Variants in LMF1 observed in about 807,000 individuals in gnomAD.
The protein encoded by LMF1 is transmembrane protein 112.
In LMF1, 68 loss-of-function variants were observed where a neutral mutation model predicts 60.6. The observed-to-expected ratio is 1.12, with a 90% CI of 0.92 to 1.37. LMF1 has a LOEUF of 1.37. LMF1 is among the 40% of genes most tolerant of loss of function. The pLI, the probability that LMF1 is intolerant of heterozygous loss-of-function variation, is 0.00. For synonymous variants in LMF1, 418 were observed against 324.7 expected (o/e 1.29, Z -3.09); for missense variants, 948 against 767.2 (o/e 1.24, Z -2.78).
rs1596864773 is a variant in LMF1, at chr16:871,166, C to A, written c.1073G>T (p.Arg358Ile). Residue 358 changes from arginine to isoleucine, a missense_variant, in exon 7 of 11, where the codon AGA (arginine) becomes ATA (isoleucine). Arg to Ile is a moderately conservative substitution (Grantham distance 97). Coordinates refer to ENST00000262301, the MANE Select transcript of LMF1 (RefSeq NM_022773.4). ...RDIRGARPEP[R>I]FGSVVRRAAN... ...CCCCCAGCTGAGCCACCTACCGAAT[C>A]TGGGCTCGGGCCGGGCCCCTCGGAT... The A allele has an allele frequency of 1.3e-6, 2 of 1,589,042 alleles. No individual in the cohort carries two copies. Among genetic ancestry groups the A allele is most frequent in the Non-Finnish European group, 1.7e-6 (2 of 1,167,444 alleles).
intron 2 of LMF1, among the ~76,000 whole-genome samples, chr16:944,030 T>C (rs1381700060): frequency 5.3e-5 from 8 of 152,226 alleles, no homozygotes; most frequent in Admixed American, 5.2e-4. Context: ...GAGGATGAAC[T>C]TGGTCTTTCC....
chr16:919,953 G>A (rs927168010), intron 3 of LMF1, among the ~76,000 whole-genome samples: 4 of 152,138 alleles, frequency 2.6e-5, no homozygotes, highest in Non-Finnish European at 5.9e-5. Flanking sequence ...AAGACTGCCC[G>A]GACACCACCT....
chr16:959,963 A>G (rs760110848), intron 1 of LMF1, among the ~76,000 whole-genome samples: 2 of 152,204 alleles, frequency 1.3e-5, no homozygotes, highest in Non-Finnish European at 2.9e-5. Flanking sequence ...TCGTATACTT[A>G]CAGATGGATA....
chr16:857,485 A>T (rs370058364), intron 10 of LMF1, among the ~76,000 whole-genome samples: 3,672 of 37,298 alleles, frequency 0.098, 315 homozygotes, highest in African/African-American at 0.25. Context: ...GAGTGGTGTC[A>T]CCGGACGGGT....
chr16:963,685 T>C (rs2072863707), intron 1 of LMF1, among the ~76,000 whole-genome samples: 1 of 152,006 alleles, frequency 6.6e-6, no homozygotes. Context: ...GAAGGGTGGA[T>C]GTGCTCCACC....
At chr16:920,374 G>A (rs2151765768) in intron 3 of LMF1, among the ~76,000 whole-genome samples, 1 of 152,392 alleles carries the variant, frequency 6.6e-6, no homozygotes, top group East Asian at 1.9e-4. Context: ...GTGCTTGCCA[G>A]GCAGGCGGGC....
Position 893,016 on chromosome 16 carries a change from G to C in LMF1, c.720C>G (p.Phe240Leu), listed in dbSNP as rs1567194996. ...RCWRDLTCMD[F>L]HYETQPMPNP... ...TGCACGGCACGCTCACCTCATAGTG[G>C]AAGTCCATGCAGGTGAGGTCTCGCC... The change falls in exon 5 of 11, where the codon TTC (phenylalanine) becomes TTG (leucine). Residue 240 changes from phenylalanine (F) to leucine (L), a missense_variant. Coordinates refer to ENST00000262301, the MANE Select transcript of LMF1 (RefSeq NM_022773.4). The C allele has an allele frequency of 6.5e-7, 1 of 1,550,370 alleles. No individual in the cohort carries two copies. The highest frequency in any genetic ancestry group is 1.2e-5 in the South Asian group (1 of 84,050).
intron 5 of LMF1, among the ~76,000 whole-genome samples, chr16:884,312 G>A (rs2070246884): frequency 6.6e-6 from 1 of 152,140 alleles, no homozygotes; most frequent in South Asian, 2.1e-4. Context: ...CTTAAAACTC[G>A]TGATAAAAAT....
intron 3 of LMF1, among the ~76,000 whole-genome samples, chr16:918,764 T>C (rs1025477328): frequency 1.2e-5 from 1 of 81,096 alleles, no homozygotes; most frequent in Non-Finnish European, 2.4e-5. Flanking sequence ...TTTGGTTCAC[T>C]TGGATGTGAA....
chr16:973,500 A>T (rs938671757), upstream of LMF1, among the ~76,000 whole-genome samples: 3 of 152,216 alleles, frequency 2.0e-5, no homozygotes, highest in Non-Finnish European at 4.4e-5. Context: ...GGGCAAAGCC[A>T]CGGGGAAAGG....
At chr16:920,064 G>A (rs1286235994) in intron 3 of LMF1, among the ~76,000 whole-genome samples, 1 of 150,918 alleles carries the variant, frequency 6.6e-6, no homozygotes, top group Non-Finnish European at 1.5e-5. Context: ...CCCCCAACAC[G>A]ACATCCACAA....
At chr16:937,474 C>T (rs915207999) in intron 2 of LMF1, among the ~76,000 whole-genome samples, 7 of 151,346 alleles carry the variant, frequency 4.6e-5, no homozygotes, top group Middle Eastern at 3.4e-3. Context: ...ACTGACAGGC[C>T]GCTGGGGTCT....
intron 6 of LMF1, among the ~76,000 whole-genome samples, chr16:877,024 A>AG (rs2070009903): frequency 6.6e-6 from 1 of 152,224 alleles, no homozygotes; most frequent in Admixed American, 6.5e-5. Context: ...CCGCTGTCTC[A>AG]GGAGATGCGT....
At chr16:942,538 T>A (rs1481560520) in intron 2 of LMF1, among the ~76,000 whole-genome samples, 1 of 151,914 alleles carries the variant, frequency 6.6e-6, no homozygotes, top group Non-Finnish European at 1.5e-5. Context: ...ATATGCCTCA[T>A]TCTCTGTGTC....
chr16:923,923 G>A (rs141007212), intron 3 of LMF1, among the ~76,000 whole-genome samples: 1 of 152,208 alleles, frequency 6.6e-6, no homozygotes, highest in Non-Finnish European at 1.5e-5. Flanking sequence ...GACCAGTTGT[G>A]CTGGTAAAGT....
chr16:934,164 C>A (rs1216165802), intron 3 of LMF1, 80 bp downstream of exon 3: 1 of 1,597,262 alleles, frequency 6.3e-7, no homozygotes, highest in Non-Finnish European at 8.5e-7. Flanking sequence ...GGGGAGAGGC[C>A]AGGAAAAGTG....
At position 914,046 on chromosome 16, in the gene LMF1, A is replaced by G. The variant is rs376257377; in HGVS notation, c.515-2967T>C. Among the ~76,000 whole-genome samples, 18 of 152,222 alleles carry G rather than the reference A, an allele frequency of 1.2e-4. No homozygotes were observed. The East Asian group carries it at 2.7e-3, about 23-fold the overall frequency. On this transcript the variant is annotated intron_variant, in intron 3 of 10. Transcript: ENST00000262301. ...CTAGACTTTGGAATCAGTTCTCACC[A>G]TTGTTGATGGGCCGCGAGGCCTGGG...
chr16:911,765 C>T (rs1315709960), intron 3 of LMF1, among the ~76,000 whole-genome samples: 1 of 151,822 alleles, frequency 6.6e-6, no homozygotes, highest in African/African-American at 2.4e-5. Context: ...CCCTCTGGCC[C>T]TGTCCTTCCC....
chr16:906,806 C>T (rs1465781841), intron 4 of LMF1, among the ~76,000 whole-genome samples: 2 of 152,144 alleles, frequency 1.3e-5, no homozygotes, highest in East Asian at 1.9e-4. Flanking sequence ...TTTCCATATA[C>T]ATCTAAGAGT....
Sources: gnomAD v4.1 joint callset for allele counts (sites outside exome capture counted in the v4.1 genomes callset) on GRCh38, gnomAD v4.1.1 for gene constraint, MANE v1.5 for transcripts, NCBI Gene and HGNC (gene_info 2026-07-23, HGNC 2026-07-21) for gene names.